CHLSN: variants seen among roughly 807,000 people sequenced by gnomAD.
The protein encoded by CHLSN is cholesin, also known as protein cholesin.
the CHLSN span, chr7:1,010,240 T>A: frequency 8.8e-7 from 1 of 1,137,718 alleles, no homozygotes; most frequent in Non-Finnish European, 1.2e-6. Flanking sequence ...ACCTCAGTAG[T>A]GGCCAAAAGC....
chr7:1,030,511 C>G, the CHLSN span, among the ~76,000 whole-genome samples: 37 of 152,194 alleles, frequency 2.4e-4, no homozygotes, highest in Non-Finnish European at 4.6e-4. Flanking sequence ...CACTCCATCT[C>G]ACGCTTCCAG....
chr7:1,019,341 G>A, the CHLSN span, among the ~76,000 whole-genome samples: 7 of 152,006 alleles, frequency 4.6e-5, no homozygotes, highest in African/African-American at 9.7e-5. Context: ...TGACAGGTCC[G>A]TGTTGTTCAA....
the CHLSN span, among the ~76,000 whole-genome samples, chr7:992,296 G>A: frequency 1.3e-5 from 2 of 152,194 alleles, no homozygotes; most frequent in South Asian, 2.1e-4. Flanking sequence ...CGTGCTGCAC[G>A]TGCCTCCCAT....
At chr7:1,128,115 G>A in the CHLSN span, among the ~76,000 whole-genome samples, 11 of 8,884 alleles carry the variant, frequency 1.2e-3, no homozygotes, top group South Asian at 4.4e-3. Flanking sequence ...GTGCAGTGGC[G>A]CGATCTCGGC....
At chr7:1,058,038 G>A in the CHLSN span, 49 of 768,760 alleles carry the variant, frequency 6.4e-5, no homozygotes, top group East Asian at 9.7e-5. Context: ...GTCCACCCGC[G>A]CGCTAGAGTG....
At chr7:1,032,927 C>T in the CHLSN span, among the ~76,000 whole-genome samples, 20 of 152,098 alleles carry the variant, frequency 1.3e-4, no homozygotes, top group Admixed American at 1.3e-3. Context: ...CTACCCTGCC[C>T]GGATACCCCC....
the CHLSN span, chr7:986,700 G>A: frequency 3.3e-5 from 53 of 1,612,336 alleles, no homozygotes; most frequent in Middle Eastern, 3.3e-4. Flanking sequence ...GAGGAGGTCC[G>A]TGCCATTCTG....
chr7:1,070,739 TATGCACACAACGCACGCAGACATACAC>T, the CHLSN span, among the ~76,000 whole-genome samples: 3 of 131,240 alleles, frequency 2.3e-5, no homozygotes, highest in Non-Finnish European at 4.8e-5. Context: ...TGCACGCACA[TATGCACACAACGCACGCAGACATACAC>T]ATGCACACGC....
the CHLSN span, among the ~76,000 whole-genome samples, chr7:1,083,294 T>G: frequency 3.3e-5 from 5 of 152,138 alleles, no homozygotes; most frequent in Non-Finnish European, 7.4e-5. Context: ...GGTCTCTGAG[T>G]GCAGCAAATT....
At chr7:1,004,542 G>C in the CHLSN span, among the ~76,000 whole-genome samples, 2 of 152,168 alleles carry the variant, frequency 1.3e-5, no homozygotes, top group African/African-American at 4.8e-5. Flanking sequence ...CCCCCACCAG[G>C]CAGACTTCAA....
the CHLSN span, among the ~76,000 whole-genome samples, chr7:1,036,557 G>T: frequency 3.3e-5 from 5 of 152,130 alleles, no homozygotes; most frequent in Admixed American, 1.3e-4. Flanking sequence ...GCACTATTCA[G>T]GGTGCAGGGT....
chr7:1,100,882 G>A, the CHLSN span, among the ~76,000 whole-genome samples: 1 of 152,238 alleles, frequency 6.6e-6, no homozygotes, highest in African/African-American at 2.4e-5. Context: ...AAGTCTCCCG[G>A]GAACGGCTGA....
chr7:1,016,504 CACA>C, the CHLSN span, among the ~76,000 whole-genome samples: 2 of 139,846 alleles, frequency 1.4e-5, no homozygotes, highest in Non-Finnish European at 3.1e-5. Context: ...CGCACAGCAG[CACA>C]GCAGCGCACA....
the CHLSN span, among the ~76,000 whole-genome samples, chr7:1,096,051 C>T: frequency 7.9e-5 from 12 of 152,216 alleles, no homozygotes; most frequent in Non-Finnish European, 1.5e-4. The surrounding 1 kb of genome is among the most constrained non-coding windows in gnomAD (Gnocchi z 4.6). Flanking sequence ...CATTCCTCCA[C>T]GTCAACCCAC....
At chr7:994,520 T>C in the CHLSN span, among the ~76,000 whole-genome samples, 1 of 152,164 alleles carries the variant, frequency 6.6e-6, no homozygotes, top group African/African-American at 2.4e-5. Flanking sequence ...CACTGCTCAC[T>C]GCAGCCTTGA....
the CHLSN span, among the ~76,000 whole-genome samples, chr7:1,086,589 G>A: frequency 6.6e-6 from 1 of 152,206 alleles, no homozygotes; most frequent in Non-Finnish European, 1.5e-5. Context: ...CAGATGCCTT[G>A]AGCCCCAGCA....
At chr7:1,088,342 G>A in the CHLSN span, 1 of 152,336 alleles carries the variant, frequency 6.6e-6, no homozygotes, top group South Asian at 2.1e-4. The surrounding 1 kb of genome is among the most constrained non-coding windows in gnomAD (Gnocchi z 4.5). Context: ...GCCTCGGCCT[G>A]GCGGTGCCAT....
chr7:1,129,199 C>T, the CHLSN span, among the ~76,000 whole-genome samples: 10 of 19,184 alleles, frequency 5.2e-4, no homozygotes, highest in East Asian at 3.3e-3. Flanking sequence ...TCGGCTCATC[C>T]CACCGTCACC....
At chr7:1,032,815 C>T in the CHLSN span, among the ~76,000 whole-genome samples, 3 of 152,236 alleles carry the variant, frequency 2.0e-5, no homozygotes, top group East Asian at 1.9e-4. Flanking sequence ...CCAGAAAGCA[C>T]GATGCTAGGG....
Sources: gnomAD v4.1 joint callset for allele counts (sites outside exome capture counted in the v4.1 genomes callset) on GRCh38, gnomAD v4.1.1 for gene constraint, Gnocchi (gnomAD v3.1) non-coding constraint, MANE v1.5 for transcripts, NCBI Gene and HGNC (gene_info 2026-07-23, HGNC 2026-07-21) for gene names.